PIAS2: variants seen among roughly 807,000 people sequenced by gnomAD.
PIAS2 encodes E3 SUMO-protein ligase PIAS2.
PIAS2 carries 19 observed loss-of-function variants against 69.7 expected under a neutral mutation model. That is an observed-to-expected ratio of 0.27 (90% confidence interval 0.19 to 0.40). The LOEUF (loss-of-function observed/expected upper bound fraction) is 0.40, where lower values mean the gene tolerates loss of function less well. PIAS2 is among the 10% of genes least tolerant of loss of function. PIAS2 has a pLI of 1.00. For missense variants in PIAS2, 624 were observed against 757.0 expected (o/e 0.82, Z 2.06); for synonymous variants, 261 against 263.2 (o/e 0.99, Z 0.08).
chr18:46,903,165 G>C (rs1369976724), intron 1 of PIAS2, among the ~76,000 whole-genome samples: 1 of 152,112 alleles, frequency 6.6e-6, no homozygotes, highest in Non-Finnish European at 1.5e-5. Context: ...TCTTAGATTT[G>C]ACACTAAAAG....
At chr18:46,881,883 G>A (rs1302312885) in intron 2 of PIAS2, among the ~76,000 whole-genome samples, 1 of 152,200 alleles carries the variant, frequency 6.6e-6, no homozygotes, top group East Asian at 1.9e-4. Flanking sequence ...CAGATCACGA[G>A]GTCAAGAGTT....
At chr18:46,821,288 T>C (rs1226983714) in intron 11 of PIAS2, among the ~76,000 whole-genome samples, 2 of 152,144 alleles carry the variant, frequency 1.3e-5, no homozygotes, top group African/African-American at 4.8e-5. Flanking sequence ...AGCTGCGACA[T>C]AAGAGCAAGT....
intron 3 of PIAS2, among the ~76,000 whole-genome samples, chr18:46,859,427 C>CAAAAAAAAAAA (rs55776913): frequency 1.8e-4 from 16 of 89,564 alleles, no homozygotes; most frequent in East Asian, 4.8e-4. Flanking sequence ...GACTCCGTCT[C>CAAAAAAAAAAA]AAAAAAAAAA....
intron 2 of PIAS2, among the ~76,000 whole-genome samples, chr18:46,875,879 C>T (rs959272617): frequency 3.9e-5 from 6 of 152,198 alleles, no homozygotes; most frequent in South Asian, 2.1e-4. Flanking sequence ...TCTCTTCCAA[C>T]GCCCCACAGC....
Position 46,811,415 on chromosome 18 carries a change from T to A in PIAS2, c.*1018A>T, listed in dbSNP as rs1219326608. The A allele has an allele frequency of 6.6e-6, 1 of 152,156 alleles. No homozygotes were observed. Among genetic ancestry groups the A allele is most frequent in the Non-Finnish European group, 1.5e-5 (1 of 68,040 alleles). The allele number at this position is 152,156 out of a possible 1,614,324, so 9.4% of individuals were successfully genotyped here. On this transcript the variant is annotated 3_prime_UTR_variant, in exon 14 of 14. Transcript: ENST00000585916. ...CAAAATACAAAGTTTCATCAAATAT[T>A]TCACTACTATTCTGTAAAATAAATG...
intron 3 of PIAS2, among the ~76,000 whole-genome samples, chr18:46,861,739 T>C (rs1056705461): frequency 1.3e-5 from 2 of 152,166 alleles, no homozygotes; most frequent in African/African-American, 4.8e-5. Context: ...AGTGTCACGC[T>C]GTGAAAGACA....
intron 1 of PIAS2, among the ~76,000 whole-genome samples, chr18:46,908,345 A>G (rs1221957282): frequency 1.3e-5 from 2 of 152,118 alleles, no homozygotes; most frequent in African/African-American, 4.8e-5. Context: ...ATTTCTGTAA[A>G]AACAGACTAA....
chr18:46,859,201 G>C (rs1199387354), intron 3 of PIAS2, among the ~76,000 whole-genome samples: 1 of 152,124 alleles, frequency 6.6e-6, no homozygotes, highest in Non-Finnish European at 1.5e-5. Flanking sequence ...GGCCGAAGCG[G>C]GTGGATCATG....
intron 1 of PIAS2, among the ~76,000 whole-genome samples, chr18:46,892,500 C>T (rs2054215948): frequency 6.6e-6 from 1 of 152,128 alleles, no homozygotes; most frequent in Non-Finnish European, 1.5e-5. Context: ...AGGCCAGGAA[C>T]AGTGGCTCAC....
intron 3 of PIAS2, among the ~76,000 whole-genome samples, chr18:46,856,194 G>T (rs887419549): frequency 2.6e-5 from 4 of 151,546 alleles, no homozygotes; most frequent in Non-Finnish European, 5.9e-5. Context: ...TCAGAGATAG[G>T]GTTTCACCGT....
At chr18:46,833,192 G>A (rs1335577526) in intron 9 of PIAS2, among the ~76,000 whole-genome samples, 1 of 152,128 alleles carries the variant, frequency 6.6e-6, no homozygotes, top group African/African-American at 2.4e-5. Flanking sequence ...GACAAACTGT[G>A]GGTTAGAATG....
At chr18:46,866,946 T>C (rs978859409) in intron 2 of PIAS2, among the ~76,000 whole-genome samples, 4 of 152,226 alleles carry the variant, frequency 2.6e-5, no homozygotes, top group Non-Finnish European at 1.5e-5. Flanking sequence ...TCTGTCTGAA[T>C]GACTGGAGAC....
At chr18:46,820,817 T>G in intron 12 of PIAS2, 116 bp downstream of exon 12, 1 of 895,820 alleles carries the variant, frequency 1.1e-6, no homozygotes. Flanking sequence ...CCCGAAGCTT[T>G]CAAATTTCCT....
Position 46,836,504 on chromosome 18 carries a change from C to T in PIAS2, c.1055G>A (p.Arg352Lys). 6.2e-7 allele frequency: 1 copy of T among 1,611,040 alleles called. No individual in the cohort carries two copies. The highest frequency in any genetic ancestry group is 8.5e-7 in the Non-Finnish European group (1 of 1,178,066). Residue 352 changes from arginine (R) to lysine (K), a missense_variant, in exon 9 of 14, where the codon AGG becomes AAG. Arg to Lys is a conservative substitution (Grantham distance 26). Around this residue, in one of 3 missense-constraint regions of PIAS2, gnomAD observed 44 missense variants for 90.9 expected, o/e 0.48. Transcript: ENST00000585916. ...VSLMCPLGKMRLTIPCRAVTC... is the reference protein window; with the variant it reads ...VSLMCPLGKMKLTIPCRAVTC... ...CACTGCACGGCATGGGATTGTCAGC[C>T]TCATTTTTCCTAACTACAGGACAGG... is the stretch of plus-strand genomic sequence containing the variant.
At chr18:46,873,664 A>G (rs2050713907) in intron 2 of PIAS2, among the ~76,000 whole-genome samples, 1 of 152,244 alleles carries the variant, frequency 6.6e-6, no homozygotes. Flanking sequence ...GGACTGAACA[A>G]GGTCTCATTA....
In PIAS2 at chr18:46,808,560, G is replaced by C. The variant is rs1294858440; in HGVS notation, c.*3873C>G. 1.3e-5 allele frequency: 2 copies of C among 152,128 alleles called. No individual in the cohort carries two copies. Among genetic ancestry groups the C allele is most frequent in the Non-Finnish European group, 2.9e-5 (2 of 68,030 alleles). 9.4% of individuals were successfully genotyped at this position (152,128 alleles called of 1,614,324 possible). ...CTACCTGTTTCACCACATTCATGTAGAACTGTAGTAAAAAAGATGGTGAAT... is the reference window on the plus strand; with the variant it reads ...CTACCTGTTTCACCACATTCATGTACAACTGTAGTAAAAAAGATGGTGAAT... On this transcript the variant is annotated 3_prime_UTR_variant, in exon 14 of 14. Transcript: ENST00000585916.
At chr18:46,824,301 T>C (rs887766826) in intron 11 of PIAS2, among the ~76,000 whole-genome samples, 6 of 152,212 alleles carry the variant, frequency 3.9e-5, no homozygotes, top group African/African-American at 1.4e-4. Flanking sequence ...TTTATGATCA[T>C]AAAAGTATAA....
At chr18:46,823,259 G>T (rs940887623) in intron 11 of PIAS2, among the ~76,000 whole-genome samples, 5 of 148,484 alleles carry the variant, frequency 3.4e-5, no homozygotes, top group African/African-American at 2.5e-5. Flanking sequence ...AACCTATCGT[G>T]TTTTTTTTTT....
At chr18:46,876,297 A>C (rs779584931) in intron 2 of PIAS2, among the ~76,000 whole-genome samples, 21 of 152,352 alleles carry the variant, frequency 1.4e-4, no homozygotes, top group Non-Finnish European at 2.2e-4. Flanking sequence ...ATGCCACTGG[A>C]GTCCCGAGAG....
Sources: gnomAD v4.1 joint callset for allele counts (sites outside exome capture counted in the v4.1 genomes callset) on GRCh38, gnomAD v4.1.1 for gene constraint, gnomAD v4.1.1 regional missense constraint, MANE v1.5 for transcripts, NCBI Gene and HGNC (gene_info 2026-07-23, HGNC 2026-07-21) for gene names.